MARK4: variants seen among roughly 807,000 people sequenced by gnomAD.
MARK4 encodes MAP/microtubule affinity-regulating kinase 4.
A neutral mutation model predicts 81.5 loss-of-function variants in MARK4; 19 were observed. That is an observed-to-expected ratio of 0.23 (90% CI 0.16 to 0.34). The LOEUF is 0.34. MARK4 is among the 10% of genes least tolerant of loss of function. The pLI, the probability that MARK4 is intolerant of heterozygous loss-of-function variation, is 1.00. For missense variants in MARK4, 772 were observed against 1,058.8 expected, an observed-to-expected ratio of 0.73 and a Z score of 3.76; for synonymous variants, 436 against 439.0, an observed-to-expected ratio of 0.99 and a Z score of 0.08.
At chr19:45,293,723 T>G (rs1462468882) in intron 13 of MARK4, among the ~76,000 whole-genome samples, 1 of 152,218 alleles carries the variant, frequency 6.6e-6, no homozygotes, top group Non-Finnish European at 1.5e-5. Flanking sequence ...ATATTCCCTG[T>G]GTTCCCAGAG....
intron 13 of MARK4, among the ~76,000 whole-genome samples, chr19:45,288,849 CAA>C (rs34269496): frequency 4.9e-5 from 5 of 102,970 alleles, no homozygotes; most frequent in Non-Finnish European, 5.6e-5. Context: ...GACTCTGTCT[CAA>C]AAAAAAAAAA....
intron 7 of MARK4, among the ~76,000 whole-genome samples, chr19:45,269,895 C>G (rs534851378): frequency 1.3e-5 from 2 of 152,088 alleles, no homozygotes; most frequent in African/African-American, 4.8e-5. Context: ...GCTGTGTTGC[C>G]CAGGCTGGAG....
At chr19:45,267,884 C>T (rs1970476345) in intron 7 of MARK4, among the ~76,000 whole-genome samples, 1 of 152,074 alleles carries the variant, frequency 6.6e-6, no homozygotes, top group South Asian at 2.1e-4. Flanking sequence ...TGGTCTCGAA[C>T]TCCTGGGCTC....
intron 14 of MARK4, 117 bp from the exon 15 acceptor site, chr19:45,297,559 C>T: frequency 3.2e-6 from 2 of 631,636 alleles, no homozygotes; most frequent in Non-Finnish European, 2.7e-6. Flanking sequence ...AGCCCTGTCT[C>T]TGAGTTCCAG....
At position 45,287,673 on chromosome 19, in the gene MARK4, CCAGGGCTGGGGGG is replaced by C. The variant is rs1568500741; in HGVS notation, c.1494+22_1494+34del. 1.2e-5 allele frequency: 19 copies of C among 1,602,976 alleles called. No homozygotes were observed. The highest frequency in any genetic ancestry group is 1.7e-4 in the Middle Eastern group (1 of 6,032). Reference sequence around the variant, plus strand: ...ACAGCACGAGCACCCCCGTGAGTGACCAGGGCTGGGGGGCAGGGCTGGGGGCGCCACCTGGGCC... The same window carrying C: ...ACAGCACGAGCACCCCCGTGAGTGACCAGGGCTGGGGGCGCCACCTGGGCC... On this transcript the variant is annotated intron_variant, in intron 13 of 16. Coordinates refer to ENST00000262891, the MANE Select transcript of MARK4 (RefSeq NM_001199867.2).
chr19:45,264,097 A>G (rs935100260), intron 4 of MARK4, among the ~76,000 whole-genome samples: 5 of 152,180 alleles, frequency 3.3e-5, no homozygotes. Flanking sequence ...TCATTTACTC[A>G]GTAATTATTG....
chr19:45,261,708 C>A (rs183308527), intron 2 of MARK4, among the ~76,000 whole-genome samples: 1 of 151,982 alleles, frequency 6.6e-6, no homozygotes, highest in African/African-American at 2.4e-5. Flanking sequence ...CTCAGGCAGG[C>A]GGATCACCTG....
intron 6 of MARK4, 118 bp downstream of exon 6, chr19:45,265,028 G>A: frequency 1.0e-6 from 1 of 971,124 alleles, no homozygotes; most frequent in South Asian, 1.4e-5. Context: ...AGTCTGGGCA[G>A]GGGTGAAGGT....
Position 45,301,859 on chromosome 19 carries a change from C to A in MARK4, c.1923-515C>A, listed in dbSNP as rs528801082. 4.1e-3 allele frequency among the ~76,000 whole-genome samples: 490 copies of A among 119,238 alleles called. 2 individuals carry two copies. The highest frequency in any genetic ancestry group is 0.016 in the African/African-American group (477 of 28,926). The allele number at this position is 119,238 out of a possible 152,430, so 78.2% of individuals were successfully genotyped here. A position where few individuals can be genotyped will look rare whatever the true frequency, so the allele number is the denominator to read the frequency against. On this transcript the variant is annotated intron_variant, in intron 16 of 16. Coordinates refer to ENST00000262891, the MANE Select transcript of MARK4 (RefSeq NM_001199867.2). Reference sequence around the variant, plus strand: ...CAGCCTGGGTAACAAGAGCAAAACTCCGTCTCAAAAAAAAAAAAAAAAAGA... The same window carrying A: ...CAGCCTGGGTAACAAGAGCAAAACTACGTCTCAAAAAAAAAAAAAAAAAGA...
intron 1 of MARK4, among the ~76,000 whole-genome samples, chr19:45,254,001 C>T (rs1970276249): frequency 6.6e-6 from 1 of 152,188 alleles, no homozygotes; most frequent in African/African-American, 2.4e-5. Flanking sequence ...TCCTCCAACT[C>T]TTGTCACTAA....
rs964534701 is a variant in MARK4 at position 45,304,317 on chromosome 19, A to G, written c.*1607A>G. 6.6e-6 allele frequency: 1 copy of G among 152,210 alleles called. No individual in the cohort carries two copies. Among genetic ancestry groups the G allele is most frequent in the African/African-American group, 2.4e-5 (1 of 41,456 alleles). The allele number at this position is 152,210 out of a possible 1,614,324, so 9.4% of individuals were successfully genotyped here. ...AGACTCTCATTGGCCCAAATGGGCC[A>G]TGTGATTTTCTCTAAACCAATCACT... On this transcript the variant is annotated 3_prime_UTR_variant, in exon 17 of 17. Coordinates refer to ENST00000262891, the MANE Select transcript of MARK4 (RefSeq NM_001199867.2).
chr19:45,259,256 A>C, intron 2 of MARK4, 67 bp downstream of exon 2: 1 of 1,559,496 alleles, frequency 6.4e-7, no homozygotes, highest in South Asian at 1.2e-5. Flanking sequence ...GTGTATGTTG[A>C]TAGAGGTCAG....
intron 12 of MARK4, among the ~76,000 whole-genome samples, chr19:45,282,190 A>T (rs111479744): frequency 7.8e-4 from 117 of 149,704 alleles, no homozygotes; most frequent in Middle Eastern, 3.5e-3. Flanking sequence ...GCCATTGCAC[A>T]CCAGCCTGGG....
chr19:45,271,495 C>T lies in MARK4; in HGVS notation c.573C>T (p.Ala191=), dbSNP rs144525861. ...DLKAENLLLD[A]EANIKIADFG... ...AGGCTGAGAACCTCTTGCTGGATGC[C>T]GAGGCCAACATCAAGATTGCTGACT... is the stretch of plus-strand genomic sequence containing the variant. The change falls in exon 8 of 17, where the codon GCC becomes GCT. Residue 191 remains alanine, a synonymous_variant. Coordinates refer to ENST00000262891, the MANE Select transcript of MARK4 (RefSeq NM_001199867.2). The surrounding 1 kb of genome is among the most constrained non-coding windows in gnomAD (Gnocchi z 4.1). 134 of 1,614,060 alleles carry T rather than the reference C, an allele frequency of 8.3e-5. No individual in the cohort carries two copies. In the African/African-American group the frequency reaches 1.0e-3, roughly 12 times the overall value.
chr19:45,302,794 T>G lies in MARK4; in HGVS notation c.*84T>G. 1.3e-6 allele frequency: 2 copies of G among 1,483,942 alleles called. No individual in the cohort carries two copies. Among genetic ancestry groups the G allele is most frequent in the Non-Finnish European group, 1.8e-6 (2 of 1,114,714 alleles). 91.9% of individuals were successfully genotyped at this position (1,483,942 alleles called of 1,614,324 possible). The stretch of plus-strand genomic sequence containing the variant: ...GAGGGGAAGGGGCCAGGGAGGGGAT[T>G]CTCCCTTTATCATCACCTCAGTTTC... On this transcript the variant is annotated 3_prime_UTR_variant, in exon 17 of 17. Transcript: ENST00000262891. This position sits in a 1 kb window ranked among gnomAD's most constrained non-coding sequence, Gnocchi z 4.9.
chr19:45,295,572 C>T (rs190140740), intron 14 of MARK4, among the ~76,000 whole-genome samples: 42 of 152,122 alleles, frequency 2.8e-4, no homozygotes, highest in African/African-American at 7.7e-4. Context: ...GTCAGGAGTT[C>T]GAGACCAGCC....
At chr19:45,280,325 A>G (rs571255865) in intron 10 of MARK4, 49 bp from the exon 11 acceptor site, 1 of 1,509,970 alleles carries the variant, frequency 6.6e-7, no homozygotes, top group African/African-American at 1.4e-5. Context: ...AATGGATGGA[A>G]GTTAAAGTTT....
chr19:45,287,462 C>G lies in MARK4; in HGVS notation c.1292C>G (p.Ala431Gly). 6.9e-7 allele frequency: 1 copy of G among 1,452,260 alleles called. No homozygotes were observed. The highest frequency in any genetic ancestry group is 2.5e-5 in the East Asian group (1 of 40,314). 90.0% of individuals were successfully genotyped at this position (1,452,260 alleles called of 1,614,324 possible). A position where few individuals can be genotyped will look rare whatever the true frequency, so the allele number is the denominator to read the frequency against. ...CCTCCCCCAGGTGGCCCATCCCCTG[C>G]ACCCCTGCACCCCAAACGCAGCCCG... is the stretch of plus-strand genomic sequence containing the variant. ...RHSDFCGPSP[A>G]PLHPKRSPTS... The change falls in exon 13 of 17, where the codon GCA (alanine) becomes GGA (glycine). Residue 431 changes from alanine (A) to glycine (G), a missense_variant. Physicochemically the swap from Ala to Gly is moderately conservative, Grantham distance 60. Around this residue, in one of 3 missense-constraint regions of MARK4, gnomAD observed 548 missense variants for 624.3 expected, o/e 0.88. Coordinates refer to ENST00000262891, the MANE Select transcript of MARK4 (RefSeq NM_001199867.2).
chr19:45,277,408 CTGAA>C (rs1204261141), intron 8 of MARK4, among the ~76,000 whole-genome samples: 1 of 151,066 alleles, frequency 6.6e-6, no homozygotes, highest in East Asian at 1.9e-4. Flanking sequence ...AAGTTTTCCT[CTGAA>C]TGAAAAGTTA....
Sources: allele counts gnomAD v4.1 joint callset (sites outside exome capture counted in the v4.1 genomes callset), GRCh38; gene constraint gnomAD v4.1.1; regional missense constraint gnomAD v4.1.1; non-coding constraint Gnocchi (gnomAD v3.1); transcripts MANE v1.5; gene names NCBI Gene and HGNC (gene_info 2026-07-23, HGNC 2026-07-21).